Variants in SNX7 observed in about 807,000 individuals in gnomAD.
SNX7 encodes the protein sorting nexin 7, also known as sorting nexin-7.
Under a neutral mutation model 48.4 loss-of-function variants are expected in SNX7, and 35 were observed. The ratio of observed to expected loss-of-function variants is 0.72; its 90% CI spans 0.55 to 0.96. The LOEUF is 0.96. SNX7 is among the 40% of genes least tolerant of loss of function. The probability of loss-of-function intolerance (pLI) is 0.00; values close to 1 mark genes in which losing one functional copy is unlikely to be tolerated. For missense variants in SNX7, 553 were observed against 548.9 expected, an observed-to-expected ratio of 1.01 and a Z score of -0.07; for synonymous variants, 190 against 190.2, an observed-to-expected ratio of 1.00 and a Z score of 0.01.
rs998639797 is a variant in SNX7 at position 98,698,593 on chromosome 1, G to A, written c.839-113G>A. The A allele has an allele frequency of 2.2e-5, 20 of 894,744 alleles. No individual in the cohort carries two copies. The African/African-American group carries it at 2.4e-4, about 11-fold the overall frequency. The allele number at this position is 894,744 out of a possible 1,614,324, so 55.4% of individuals were successfully genotyped here. Reference sequence around the variant, plus strand: ...GATATCCGTTTTCTTATGTTCTTGTGTAAGAACATGTGCACTGTGAGAGAA... The same window carrying A: ...GATATCCGTTTTCTTATGTTCTTGTATAAGAACATGTGCACTGTGAGAGAA... On this transcript the variant is annotated intron_variant, in intron 5 of 8. Transcript: ENST00000306121.
intron 5 of SNX7, 97 bp from the exon 6 acceptor site, chr1:98,698,609 T>C: frequency 9.7e-7 from 1 of 1,026,050 alleles, no homozygotes; most frequent in Non-Finnish European, 1.4e-6. Context: ...ACATGTGCAC[T>C]GTGAGAGAAA....
At chr1:98,676,398 A>G (rs1037835241) in intron 1 of SNX7, among the ~76,000 whole-genome samples, 1 of 152,166 alleles carries the variant, frequency 6.6e-6, no homozygotes, top group African/African-American at 2.4e-5. Context: ...GATTAATCCA[A>G]CTGAAATTTG....
At chr1:98,703,347 T>G (rs1275270493) in intron 7 of SNX7, among the ~76,000 whole-genome samples, 2 of 152,162 alleles carry the variant, frequency 1.3e-5, no homozygotes, top group Non-Finnish European at 2.9e-5. Context: ...AGTCCTTGTG[T>G]CTACGAAGTC....
chr1:98,726,971 G>C lies in SNX7; in HGVS notation c.1126-11266G>C, dbSNP rs180870068. Among the ~76,000 whole-genome samples, 485 of 152,296 alleles carry C rather than the reference G, an allele frequency of 3.2e-3. 3 individuals are homozygous for C. The highest frequency in any genetic ancestry group is 0.011 in the African/African-American group (464 of 41,566). On this transcript the variant is annotated intron_variant, in intron 7 of 8. Coordinates refer to ENST00000306121, the MANE Select transcript of SNX7 (RefSeq NM_015976.5). ...CATGCCTGTAATCCCAGCACTTTGG[G>C]AGGCTGAGGCGGGTGGATCATGAGA...
chr1:98,717,446 G>T (rs565522435), intron 7 of SNX7, among the ~76,000 whole-genome samples: 1 of 152,242 alleles, frequency 6.6e-6, no homozygotes, highest in South Asian at 2.1e-4. Context: ...TATATTTCAG[G>T]ACTTCAAAAC....
intron 8 of SNX7, among the ~76,000 whole-genome samples, chr1:98,746,809 T>C (rs1654329559): frequency 6.6e-6 from 1 of 152,136 alleles, no homozygotes; most frequent in Non-Finnish European, 1.5e-5. Flanking sequence ...TATTATCTTC[T>C]ATGTTATTGA....
chr1:98,718,028 A>G (rs1652680538), intron 7 of SNX7, among the ~76,000 whole-genome samples: 2 of 152,146 alleles, frequency 1.3e-5, no homozygotes, highest in Non-Finnish European at 2.9e-5. Flanking sequence ...TGGGCACTCC[A>G]TAAATGAGGA....
At chr1:98,665,219 A>T (rs1649474059) in intron 1 of SNX7, among the ~76,000 whole-genome samples, 1 of 152,212 alleles carries the variant, frequency 6.6e-6, no homozygotes, top group African/African-American at 2.4e-5. Flanking sequence ...ATCATCTAGG[A>T]TAATCAGGGA....
intron 7 of SNX7, among the ~76,000 whole-genome samples, chr1:98,720,062 T>C: frequency 6.6e-6 from 1 of 151,820 alleles, no homozygotes; most frequent in Non-Finnish European, 1.5e-5. Flanking sequence ...TATGCAACGA[T>C]GATAAGACTT....
intron 1 of SNX7, among the ~76,000 whole-genome samples, chr1:98,677,055 G>A (rs2100923982): frequency 6.6e-6 from 1 of 152,222 alleles, no homozygotes; most frequent in African/African-American, 2.4e-5. Context: ...TCCAACATCT[G>A]TATCACTACT....
At position 98,691,132 on chromosome 1, in the gene SNX7, T is replaced by A; in HGVS notation, c.421T>A (p.Phe141Ile). The change falls in exon 3 of 9, where the codon TTC (phenylalanine) becomes ATC (isoleucine). Residue 141 changes from phenylalanine to isoleucine, a missense_variant. Phe to Ile is a conservative substitution (Grantham distance 21). Transcript: ENST00000306121. ...EFEVRRRYQD[F>I]LWLKGKLEEA... The stretch of plus-strand genomic sequence containing the variant: ...TGAAGTTAGGAGACGATATCAAGAT[T>A]TCCTTTGGTTGAAGGGAAAACTGGA... 6.2e-7 allele frequency: 1 copy of A among 1,610,606 alleles called. No individual in the cohort carries two copies. Among genetic ancestry groups the A allele is most frequent in the African/African-American group, 1.3e-5 (1 of 74,846 alleles).
intron 8 of SNX7, among the ~76,000 whole-genome samples, chr1:98,741,522 ATGT>A (rs1229739454): frequency 6.6e-6 from 1 of 152,188 alleles, no homozygotes; most frequent in South Asian, 2.1e-4. Context: ...AGGTAAAATG[ATGT>A]TGTTCCCATT....
intron 1 of SNX7, among the ~76,000 whole-genome samples, chr1:98,669,959 CTATT>C (rs1304220668): frequency 2.0e-5 from 3 of 152,166 alleles, no homozygotes; most frequent in Non-Finnish European, 4.4e-5. Flanking sequence ...AGTAGGAACT[CTATT>C]TACAGAATAA....
At chr1:98,713,917 T>G (rs541589198) in intron 7 of SNX7, among the ~76,000 whole-genome samples, 2 of 152,306 alleles carry the variant, frequency 1.3e-5, no homozygotes, top group East Asian at 3.9e-4. Flanking sequence ...GTTTGAAGTG[T>G]TGTAAGAATT....
chr1:98,730,469 T>A (rs139982506), intron 7 of SNX7, among the ~76,000 whole-genome samples: 100 of 152,220 alleles, frequency 6.6e-4, no homozygotes, highest in African/African-American at 2.3e-3. Context: ...CAAGCTGTCT[T>A]GTTTCCAGAT....
At chr1:98,695,863 C>A (rs1265487359) in intron 5 of SNX7, 147 bp downstream of exon 5, 1 of 648,488 alleles carries the variant, frequency 1.5e-6, no homozygotes, top group Non-Finnish European at 2.7e-6. Context: ...ATTTCTGATT[C>A]CTAAATGATT....
chr1:98,719,023 C>T (rs1652729809), intron 7 of SNX7, among the ~76,000 whole-genome samples: 1 of 152,026 alleles, frequency 6.6e-6, no homozygotes, highest in Non-Finnish European at 1.5e-5. Flanking sequence ...TGTAAGTATA[C>T]CAGTAGATCT....
At position 98,701,989 on chromosome 1, in the gene SNX7, CATGATTGTTTCTTAT is replaced by C. The variant is rs1394438124; in HGVS notation, c.1125+99_1125+113del. ...CAATGTCCTTACATGATTGTCCTTA[CATGATTGTTTCTTAT>C]ATGATTGTTTCTAAGCATTAAGCAA... On this transcript the variant is annotated intron_variant, in intron 7 of 8. Coordinates refer to ENST00000306121, the MANE Select transcript of SNX7 (RefSeq NM_015976.5). The C allele has an allele frequency of 5.5e-6, 5 of 901,680 alleles. No homozygotes were observed. In the African/African-American group the frequency reaches 6.8e-5, roughly 12 times the overall value. 55.9% of individuals were successfully genotyped at this position (901,680 alleles called of 1,614,324 possible).
chr1:98,755,207 T>C (rs757835727), intron 8 of SNX7, among the ~76,000 whole-genome samples: 1 of 152,158 alleles, frequency 6.6e-6, no homozygotes, highest in Non-Finnish European at 1.5e-5. Flanking sequence ...TCAAGACTTA[T>C]TGTATGGCCC....
Sources: allele counts gnomAD v4.1 joint callset (sites outside exome capture counted in the v4.1 genomes callset), GRCh38; gene constraint gnomAD v4.1.1; transcripts MANE v1.5; gene names NCBI Gene and HGNC (gene_info 2026-07-23, HGNC 2026-07-21).